The following KCTD2 variants were observed in gnomAD, a reference collection of about 807,000 sequenced individuals.
KCTD2 encodes the protein BTB/POZ domain-containing protein KCTD2.
A neutral mutation model predicts 27.9 loss-of-function variants in KCTD2; 18 were observed. The observed-to-expected ratio is 0.64, with a 90% CI of 0.45 to 0.96. The LOEUF (loss-of-function observed/expected upper bound fraction) is 0.96, where lower values mean the gene tolerates loss of function less well. Ranked by LOEUF, KCTD2 falls within the 40% of genes least tolerant of loss-of-function variation. The pLI is 0.00. For missense variants in KCTD2, 280 were observed against 348.0 expected, an observed-to-expected ratio of 0.80 and a Z score of 1.56; for synonymous variants, 175 against 148.4, an observed-to-expected ratio of 1.18 and a Z score of -1.30.
chr17:75,047,580 C>T lies in KCTD2; in HGVS notation c.330C>T (p.Asp110=). Reference sequence around the variant, plus strand: ...GCTGCCAGGAGGACCCGGAGCTGGACTCAGACAAGGTGTGCCCCGCCCTCG... The same window carrying T: ...GCTGCCAGGAGGACCCGGAGCTGGATTCAGACAAGGTGTGCCCCGCCCTCG... ...RLCCQEDPEL[D]SDKDETGAYL... is the part of the protein sequence containing the mutation. The change falls in exon 1 of 6, where the codon GAC becomes GAT. Residue 110 remains aspartate, a synonymous_variant. Transcript: ENST00000322444. 6.2e-7 allele frequency: 1 copy of T among 1,609,304 alleles called. No homozygotes were observed. The highest frequency in any genetic ancestry group is 8.5e-7 in the Non-Finnish European group (1 of 1,178,180).
chr17:75,048,470 T>C (rs1430798985), intron 1 of KCTD2, among the ~76,000 whole-genome samples: 1 of 152,252 alleles, frequency 6.6e-6, no homozygotes, highest in African/African-American at 2.4e-5. Flanking sequence ...TGTTTTCGTT[T>C]ATTCCTCTTC....
At position 75,064,687 on chromosome 17, in the gene KCTD2, T is replaced by TA. The variant is rs1178493057; in HGVS notation, c.*1641dup. On this transcript the variant is annotated 3_prime_UTR_variant, in exon 6 of 6. Transcript: ENST00000322444. ...GTCTACACACCTATGCGCCACATTT[T>TA]ACAGCTGTAAAGTGTTAGATGAACT... 1.3e-5 allele frequency: 2 copies of TA among 152,202 alleles called. No homozygotes were observed. The highest frequency in any genetic ancestry group is 1.3e-4 in the Admixed American group (2 of 15,276). The allele number at this position is 152,202 out of a possible 1,614,324, so 9.4% of individuals were successfully genotyped here.
At chr17:75,056,890 CCTCTTAG>C (rs1408978432) in intron 3 of KCTD2, among the ~76,000 whole-genome samples, 2 of 151,890 alleles carry the variant, frequency 1.3e-5, no homozygotes, top group African/African-American at 4.8e-5. Context: ...GGTTTCATGA[CCTCTTAG>C]CTCTTAGTGG....
intron 3 of KCTD2, chr17:75,040,794 G>A (rs1447703223): frequency 6.6e-6 from 1 of 151,894 alleles, no homozygotes; most frequent in African/African-American, 2.4e-5. Context: ...GCTGAGGCAA[G>A]AGAACTGCTT....
intron 1 of KCTD2, chr17:75,048,806 C>G (rs1204649628): frequency 6.4e-6 from 1 of 156,820 alleles, no homozygotes; most frequent in Non-Finnish European, 1.4e-5. Context: ...GAATGCAGTT[C>G]AGAGGCAGTG....
At chr17:75,059,447 T>C in intron 3 of KCTD2, 63 bp from the exon 4 acceptor site, 3 of 1,127,340 alleles carry the variant, frequency 2.7e-6, no homozygotes, top group South Asian at 1.7e-5. Context: ...AAGAGCCTCC[T>C]TGGGGCAGCT....
At chr17:75,054,803 C>G (rs553081789) in intron 3 of KCTD2, among the ~76,000 whole-genome samples, 167 of 150,108 alleles carry the variant, frequency 1.1e-3, no homozygotes, top group African/African-American at 4.1e-3. Context: ...GAGGGAGACT[C>G]CATCTCAAAA....
At chr17:75,062,987 C>T (rs1286641529) in intron 5 of KCTD2, 31 bp from the exon 6 acceptor site, 1 of 1,613,082 alleles carries the variant, frequency 6.2e-7, no homozygotes, top group Non-Finnish European at 8.5e-7. Context: ...CCCTCAGCAG[C>T]CTCAGCCTCT....
chr17:75,059,922 T>A (rs1052635986), intron 4 of KCTD2, among the ~76,000 whole-genome samples: 1 of 152,168 alleles, frequency 6.6e-6, no homozygotes, highest in African/African-American at 2.4e-5. Flanking sequence ...AATGAGTCCC[T>A]AAAGGAGACT....
At chr17:75,055,418 A>G (rs1464300971) in intron 3 of KCTD2, among the ~76,000 whole-genome samples, 1 of 151,704 alleles carries the variant, frequency 6.6e-6, no homozygotes, top group Non-Finnish European at 1.5e-5. Flanking sequence ...TCATATATCA[A>G]AGTTTTCTGG....
At chr17:75,044,530 CAG>C (rs2073193518), upstream of KCTD2, among the ~76,000 whole-genome samples, 1 of 148,310 alleles carries the variant, frequency 6.7e-6, no homozygotes, top group Non-Finnish European at 1.5e-5. Flanking sequence ...TTAGTAGAGA[CAG>C]GGTTTCTCCA....
rs946335406 is a variant in KCTD2 at position 75,063,224 on chromosome 17, C to T, written c.*177C>T. On this transcript the variant is annotated 3_prime_UTR_variant, in exon 6 of 6. Coordinates refer to ENST00000322444, the MANE Select transcript of KCTD2 (RefSeq NM_015353.3). ...AACTCCCTCCCCACCTGCAGGACTCCGAAGACAGTGCGACTTCTGGCTGCA... is the reference window on the plus strand; with the variant it reads ...AACTCCCTCCCCACCTGCAGGACTCTGAAGACAGTGCGACTTCTGGCTGCA... 86 of 648,388 alleles carry T rather than the reference C, an allele frequency of 1.3e-4. No homozygotes were observed. In the Middle Eastern group the frequency reaches 2.3e-3, roughly 17 times the overall value. 40.2% of individuals were successfully genotyped at this position (648,388 alleles called of 1,614,324 possible). A position where few individuals can be genotyped will look rare whatever the true frequency, so the allele number is the denominator to read the frequency against.
chr17:75,063,466 A>G lies in KCTD2; in HGVS notation c.*419A>G, dbSNP rs1248003478. Reference sequence around the variant, plus strand: ...CATGGTTTCACCCTATGTGTGCCACAATGGACGTTAGCAGCTGCTTCGGAA... The same window carrying G: ...CATGGTTTCACCCTATGTGTGCCACGATGGACGTTAGCAGCTGCTTCGGAA... On this transcript the variant is annotated 3_prime_UTR_variant, in exon 6 of 6. Coordinates refer to ENST00000322444, the MANE Select transcript of KCTD2 (RefSeq NM_015353.3). 1 of 207,896 alleles carries G rather than the reference A, an allele frequency of 4.8e-6. No homozygotes were observed. The highest frequency in any genetic ancestry group is 2.3e-5 in the African/African-American group (1 of 44,186). The allele number at this position is 207,896 out of a possible 1,614,324, so 12.9% of individuals were successfully genotyped here.
intron 3 of KCTD2, chr17:75,039,248 C>G (rs745452010): frequency 6.2e-7 from 1 of 1,614,158 alleles, no homozygotes; most frequent in South Asian, 1.1e-5. Flanking sequence ...TTGAGAGAGA[C>G]ACCCACTCAG....
chr17:75,048,270 C>G (rs761421326), intron 1 of KCTD2, among the ~76,000 whole-genome samples: 11 of 152,070 alleles, frequency 7.2e-5, no homozygotes, highest in Non-Finnish European at 1.5e-4. Context: ...GGCTGCTAAC[C>G]AAAGGGTTGA....
chr17:75,052,328 T>C (rs2073296703), intron 2 of KCTD2, among the ~76,000 whole-genome samples: 1 of 152,256 alleles, frequency 6.6e-6, no homozygotes, highest in South Asian at 2.1e-4. Flanking sequence ...GGCTCATGCC[T>C]GTAATCCCAA....
intron 4 of KCTD2, among the ~76,000 whole-genome samples, chr17:75,061,267 C>T (rs894545991): frequency 1.3e-5 from 2 of 152,162 alleles, no homozygotes; most frequent in African/African-American, 4.8e-5. Flanking sequence ...ACTGGGATGC[C>T]CTCACCCTCT....
intron 3 of KCTD2, among the ~76,000 whole-genome samples, chr17:75,056,952 C>CTTTTTTTTTTTTTTTT (rs35875644): frequency 1.4e-4 from 15 of 107,984 alleles, no homozygotes; most frequent in East Asian, 5.8e-4. Context: ...TTTCTTTTTT[C>CTTTTTTTTTTTTTTTT]TTTTTTTTTT....
chr17:75,052,978 C>G (rs975629837), intron 2 of KCTD2, 36 bp from the exon 3 acceptor site: 1 of 1,511,632 alleles, frequency 6.6e-7, no homozygotes, highest in South Asian at 1.1e-5. Flanking sequence ...GGCAAACCCT[C>G]GCACCTATCT....
Sources: gnomAD v4.1 joint callset for allele counts (sites outside exome capture counted in the v4.1 genomes callset) on GRCh38, gnomAD v4.1.1 for gene constraint, MANE v1.5 for transcripts, NCBI Gene and HGNC (gene_info 2026-07-23, HGNC 2026-07-21) for gene names.